Variants in B3GALT1 observed in about 807,000 individuals in gnomAD.
B3GALT1 encodes the protein UDP-Gal:betaGlcNAc beta 1,3-galactosyltransferase, polypeptide 1.
Under a neutral mutation model 23.2 loss-of-function variants are expected in B3GALT1, and 10 were observed. The ratio of observed to expected loss-of-function variants is 0.43; its 90% confidence interval spans 0.27 to 0.73. The LOEUF is 0.73. Among genes scored for constraint, B3GALT1 ranks in the 30% least tolerant of loss-of-function variants. The pLI, the probability that B3GALT1 is intolerant of heterozygous loss-of-function variation, is 0.21. For synonymous variants in B3GALT1, 156 were observed against 141.5 expected (o/e 1.10, Z -0.73); for missense variants, 299 against 405.4 (o/e 0.74, Z 2.25).
At chr2:167,603,274 G>A (rs1335606841) in intron 2 of B3GALT1, among the ~76,000 whole-genome samples, 1 of 152,114 alleles carries the variant, frequency 6.6e-6, no homozygotes, top group African/African-American at 2.4e-5. Context: ...GCCACAGAAT[G>A]ATGCAGTGGA....
intron 1 of B3GALT1, among the ~76,000 whole-genome samples, chr2:167,401,255 C>G (rs1698184635): frequency 6.6e-6 from 1 of 152,034 alleles, no homozygotes; most frequent in African/African-American, 2.4e-5. Flanking sequence ...TCCGTCTTTC[C>G]TTGTCCCTCT....
chr2:167,336,147 A>C (rs1175510454), intron 1 of B3GALT1, among the ~76,000 whole-genome samples: 1 of 152,154 alleles, frequency 6.6e-6, no homozygotes, highest in East Asian at 1.9e-4. Context: ...AGTTCAGTCT[A>C]CTTCCACAAA....
chr2:167,757,402 A>G (rs1687835025), intron 3 of B3GALT1, among the ~76,000 whole-genome samples: 1 of 152,162 alleles, frequency 6.6e-6, no homozygotes, highest in South Asian at 2.1e-4. Flanking sequence ...AAGTACAGGT[A>G]CCTTGCAATG....
Position 167,774,497 on chromosome 2 carries a change from G to GTTTTTTTTTTTTTTTTTTTTTTTTTGT in B3GALT1, c.-351-44158_-351-44157insTTTTTTTTGTTTTTTTTTTTTTTTTTT, listed in dbSNP as rs397986581. The stretch of plus-strand genomic sequence containing the variant: ...GTTTTTTTTTTTTGTTTTTTTTTTT[G>GTTTTTTTTTTTTTTTTTTTTTTTTTGT]TTTTTTTTTTTTTTTTTGGAGACAG... On this transcript the variant is annotated intron_variant, in intron 3 of 4. Coordinates refer to ENST00000392690, the MANE Select transcript of B3GALT1 (RefSeq NM_020981.4). 3.6e-5 allele frequency among the ~76,000 whole-genome samples: 3 copies of GTTTTTTTTTTTTTTTTTTTTTTTTTGT among 83,012 alleles called. 1 individual carries two copies. Among genetic ancestry groups the GTTTTTTTTTTTTTTTTTTTTTTTTTGT allele is most frequent in the African/African-American group, 1.4e-4 (3 of 20,962 alleles). 54.5% of individuals were successfully genotyped at this position (83,012 alleles called of 152,430 possible). A position where few individuals can be genotyped will look rare whatever the true frequency, so the allele number is the denominator to read the frequency against.
In B3GALT1 at chr2:167,715,335, T is replaced by C. The variant is rs1439714070; in HGVS notation, c.-352+68369T>C. On this transcript the variant is annotated intron_variant, in intron 3 of 4. Coordinates refer to ENST00000392690, the MANE Select transcript of B3GALT1 (RefSeq NM_020981.4). The stretch of plus-strand genomic sequence containing the variant: ...TATACTTTGGAGTCTTCAAATGTTA[T>C]TTTCTGTTTATTAAGTTCAGTCACT... 11 of 1,613,964 alleles carry C rather than the reference T, an allele frequency of 6.8e-6. No individual in the cohort carries two copies. In the East Asian group the frequency reaches 1.3e-4, roughly 20 times the overall value.
At chr2:167,840,605 G>A (rs1325233958) in intron 4 of B3GALT1, among the ~76,000 whole-genome samples, 4 of 149,476 alleles carry the variant, frequency 2.7e-5, no homozygotes, top group Non-Finnish European at 4.5e-5. Context: ...AACCATTGTG[G>A]AAGTCAGTGT....
At chr2:167,504,029 C>G (rs1209815536) in intron 2 of B3GALT1, among the ~76,000 whole-genome samples, 1 of 152,150 alleles carries the variant, frequency 6.6e-6, no homozygotes. Context: ...ACAATATCCA[C>G]CAAGCAACAG....
At chr2:167,689,954 A>C (rs1041138253) in intron 3 of B3GALT1, among the ~76,000 whole-genome samples, 1 of 152,154 alleles carries the variant, frequency 6.6e-6, no homozygotes, top group African/African-American at 2.4e-5. Context: ...CAGAAATGGG[A>C]ATAAGGGAAT....
chr2:167,865,949 CT>C (rs1690208189), intron 4 of B3GALT1, among the ~76,000 whole-genome samples: 1 of 152,170 alleles, frequency 6.6e-6, no homozygotes, highest in South Asian at 2.1e-4. Flanking sequence ...CATCTGACCC[CT>C]GCTAATCTCT....
intron 1 of B3GALT1, among the ~76,000 whole-genome samples, chr2:167,476,504 T>A (rs1382471473): frequency 6.6e-6 from 1 of 152,178 alleles, no homozygotes; most frequent in Admixed American, 6.5e-5. Context: ...TAAATTATGA[T>A]CCTTCTTGTC....
chr2:167,688,390 G>A (rs944463638), intron 3 of B3GALT1, among the ~76,000 whole-genome samples: 2 of 151,940 alleles, frequency 1.3e-5, no homozygotes, highest in Admixed American at 1.3e-4. Flanking sequence ...AAGCAATTAC[G>A]AACACACTTA....
chr2:167,764,717 G>GTGCAAATAATGAA (rs570233784), intron 3 of B3GALT1, among the ~76,000 whole-genome samples: 3 of 152,268 alleles, frequency 2.0e-5, no homozygotes, highest in Admixed American at 2.0e-4. Flanking sequence ...AAACATAACA[G>GTGCAAATAATGAA]TGCAAATAAT....
intron 3 of B3GALT1, among the ~76,000 whole-genome samples, chr2:167,663,098 A>G (rs1041607883): frequency 7.6e-6 from 1 of 131,238 alleles, no homozygotes; most frequent in African/African-American, 2.8e-5. Context: ...TCCCAATGCT[A>G]TCCCTCCCCC....
chr2:167,338,373 C>T lies in B3GALT1; in HGVS notation c.-511+45039C>T, dbSNP rs1355003714. Among the ~76,000 whole-genome samples the T allele has an allele frequency of 7.2e-5, 11 of 152,030 alleles. No individual in the cohort carries two copies. In the South Asian group the frequency reaches 1.0e-3, roughly 14 times the overall value. ...AGAATGTAGCCTTACCTATCTGGAT[C>T]ACTAACATAATACTAAAAGTATATA... On this transcript the variant is annotated intron_variant, in intron 1 of 4. Coordinates refer to ENST00000392690, the MANE Select transcript of B3GALT1 (RefSeq NM_020981.4).
At chr2:167,401,615 GT>G (rs1157431080) in intron 1 of B3GALT1, among the ~76,000 whole-genome samples, 1 of 152,094 alleles carries the variant, frequency 6.6e-6, no homozygotes, top group Non-Finnish European at 1.5e-5. Context: ...TCCATATCAA[GT>G]TCTCTGAGTT....
intron 2 of B3GALT1, among the ~76,000 whole-genome samples, chr2:167,592,143 T>A (rs950451415): frequency 6.6e-6 from 1 of 152,130 alleles, no homozygotes; most frequent in East Asian, 1.9e-4. Context: ...GAACACCAAG[T>A]GGAGATGTCA....
At chr2:167,522,471 A>G (rs1379613188) in intron 2 of B3GALT1, among the ~76,000 whole-genome samples, 1 of 152,148 alleles carries the variant, frequency 6.6e-6, no homozygotes. Context: ...ACATTTTTCT[A>G]GATTTTTCTA....
intron 1 of B3GALT1, among the ~76,000 whole-genome samples, chr2:167,457,780 G>A (rs982597510): frequency 1.3e-5 from 2 of 152,138 alleles, no homozygotes; most frequent in South Asian, 2.1e-4. Flanking sequence ...AGCATGGTCC[G>A]TGAACCAGCA....
At chr2:167,582,899 A>T (rs1684513899) in intron 2 of B3GALT1, among the ~76,000 whole-genome samples, 1 of 152,170 alleles carries the variant, frequency 6.6e-6, no homozygotes, top group Non-Finnish European at 1.5e-5. Flanking sequence ...CATGCTCCTC[A>T]AGGCAGCCCA....
Sources: allele counts gnomAD v4.1 joint callset (sites outside exome capture counted in the v4.1 genomes callset), GRCh38; gene constraint gnomAD v4.1.1; transcripts MANE v1.5; gene names NCBI Gene and HGNC (gene_info 2026-07-23, HGNC 2026-07-21).